Variants in FNDC3B observed in about 807,000 individuals in gnomAD.
The protein encoded by FNDC3B is fibronectin type III domain containing 3B.
In FNDC3B, 12 loss-of-function variants were observed where a neutral mutation model predicts 151.5. The observed-to-expected ratio is 0.08, with a 90% CI of 0.05 to 0.13. The LOEUF (loss-of-function observed/expected upper bound fraction) is 0.13, where lower values mean the gene tolerates loss of function less well. Among genes scored for constraint, FNDC3B ranks in the 10% least tolerant of loss-of-function variants. The pLI, the probability that FNDC3B is intolerant of heterozygous loss-of-function variation, is 1.00. For synonymous variants in FNDC3B, 528 were observed against 549.0 expected (o/e 0.96, Z 0.54); for missense variants, 1,214 against 1,505.3 (o/e 0.81, Z 3.20).
In FNDC3B at chr3:172,397,687, A is replaced by AG. The variant is rs937303091; in HGVS notation, c.*212_*213insG. The AG allele has an allele frequency of 5.7e-6, 2 of 348,210 alleles. No individual in the cohort carries two copies. Among genetic ancestry groups the AG allele is most frequent in the Admixed American group, 9.3e-5 (2 of 21,524 alleles). The allele number at this position is 348,210 out of a possible 1,614,324, so 21.6% of individuals were successfully genotyped here. ...TGGATTTTTTTTTTTAAAAAAAAGAAAAAAAAAGAAGAAAAGTATACCAGA... is the reference window on the plus strand; with the variant it reads ...TGGATTTTTTTTTTTAAAAAAAAGAAGAAAAAAAGAAGAAAAGTATACCAGA... On this transcript the variant is annotated 3_prime_UTR_variant, in exon 26 of 26. Coordinates refer to ENST00000415807, the MANE Select transcript of FNDC3B (RefSeq NM_022763.4).
chr3:172,398,297 T>C lies in FNDC3B; in HGVS notation c.*822T>C, dbSNP rs1314875451. 3 of 152,678 alleles carry C rather than the reference T, an allele frequency of 2.0e-5. No homozygotes were observed. The highest frequency in any genetic ancestry group is 7.2e-5 in the African/African-American group (3 of 41,468). The allele number at this position is 152,678 out of a possible 1,614,324, so 9.5% of individuals were successfully genotyped here. ...TTGTATATAACTACTTCTAATCTAATCACTAGAGTTATTATATTCTGTTAT... is the reference window on the plus strand; with the variant it reads ...TTGTATATAACTACTTCTAATCTAACCACTAGAGTTATTATATTCTGTTAT... On this transcript the variant is annotated 3_prime_UTR_variant, in exon 26 of 26. Transcript: ENST00000415807.
intron 4 of FNDC3B, among the ~76,000 whole-genome samples, chr3:172,230,860 A>C (rs981807579): frequency 1.2e-4 from 18 of 152,240 alleles, no homozygotes; most frequent in African/African-American, 4.1e-4. Flanking sequence ...TGTATGTGTT[A>C]ATGTAAAATA....
At chr3:172,371,960 A>G (rs1256767259) in intron 23 of FNDC3B, among the ~76,000 whole-genome samples, 1 of 152,228 alleles carries the variant, frequency 6.6e-6, no homozygotes, top group African/African-American at 2.4e-5. Flanking sequence ...AGTAGTATTT[A>G]TGGAACATTT....
intron 13 of FNDC3B, among the ~76,000 whole-genome samples, chr3:172,332,596 G>A (rs755182080): frequency 1.3e-5 from 2 of 152,126 alleles, no homozygotes. Context: ...GATAGAGATA[G>A]AACTATTGAA....
intron 6 of FNDC3B, among the ~76,000 whole-genome samples, chr3:172,258,251 G>A (rs926210611): frequency 2.6e-5 from 4 of 152,098 alleles, no homozygotes; most frequent in African/African-American, 9.7e-5. Context: ...CACATTCCAC[G>A]ACATAGACTC....
chr3:172,318,302 A>G (rs942433165), intron 11 of FNDC3B, among the ~76,000 whole-genome samples: 1 of 152,252 alleles, frequency 6.6e-6, no homozygotes, highest in South Asian at 2.1e-4. Flanking sequence ...AGGCAGGCCC[A>G]GCAGTCCTGT....
At chr3:172,102,149 C>A (rs1479885459) in intron 1 of FNDC3B, among the ~76,000 whole-genome samples, 1 of 152,142 alleles carries the variant, frequency 6.6e-6, no homozygotes, top group Non-Finnish European at 1.5e-5. Context: ...ACAATTAGCT[C>A]GCTAAGAGCA....
chr3:172,260,960 G>A (rs1433676211), intron 6 of FNDC3B, among the ~76,000 whole-genome samples: 1 of 152,132 alleles, frequency 6.6e-6, no homozygotes, highest in Admixed American at 6.5e-5. Flanking sequence ...GACATTAGCT[G>A]GAGGCGATGG....
chr3:172,244,414 G>A (rs62281807), intron 4 of FNDC3B, among the ~76,000 whole-genome samples: 22,587 of 151,764 alleles, frequency 0.15, 1,827 homozygotes, highest in African/African-American at 0.21. Flanking sequence ...TACTGCCACC[G>A]TTTCCTTAGT....
intron 6 of FNDC3B, among the ~76,000 whole-genome samples, chr3:172,261,958 T>C (rs1213277975): frequency 1.3e-5 from 2 of 152,056 alleles, no homozygotes; most frequent in African/African-American, 4.8e-5. Flanking sequence ...GACCAGGTCA[T>C]GGTGGGGATG....
At chr3:172,125,715 T>G (rs538928927) in intron 2 of FNDC3B, among the ~76,000 whole-genome samples, 1 of 152,324 alleles carries the variant, frequency 6.6e-6, no homozygotes, top group South Asian at 2.1e-4. Flanking sequence ...ACAAAGTGTA[T>G]CCTTCAAAAG....
rs368796042 is a variant in FNDC3B at position 172,269,120 on chromosome 3, G to A, written c.791-16806G>A. Among the ~76,000 whole-genome samples the A allele has an allele frequency of 6.6e-4, 100 of 152,240 alleles. No homozygotes were observed. In the South Asian group the frequency reaches 0.02, roughly 30 times the overall value. ...TTTGGTATTACTTGCTGTCTAGAACGTTACAGTCTCCACTATAGTATGTTC... is the reference window on the plus strand; with the variant it reads ...TTTGGTATTACTTGCTGTCTAGAACATTACAGTCTCCACTATAGTATGTTC... On this transcript the variant is annotated intron_variant, in intron 6 of 25. Coordinates refer to ENST00000415807, the MANE Select transcript of FNDC3B (RefSeq NM_022763.4).
chr3:172,344,126 C>T lies in FNDC3B; in HGVS notation c.2118C>T (p.Tyr706=), dbSNP rs771915501. ...ASESGCEVSE[Y]SVEMTEPEDV... is the part of the protein sequence containing the mutation. ...AAAGTGGCTGTGAGGTCTCAGAGTA[C>T]AGCGTGGAGATGACGGAGCCCGAAG... Residue 706 remains tyrosine (Y), a synonymous_variant, in exon 19 of 26, where the codon TAC becomes TAT. Transcript: ENST00000415807. 6 of 1,613,938 alleles carry T rather than the reference C, an allele frequency of 3.7e-6. No homozygotes were observed. The highest frequency in any genetic ancestry group is 3.3e-5 in the Admixed American group (2 of 59,982).
chr3:172,322,776 A>C (rs1437212246), intron 11 of FNDC3B, among the ~76,000 whole-genome samples: 2 of 152,190 alleles, frequency 1.3e-5, no homozygotes, highest in Admixed American at 1.3e-4. Context: ...CAGTGACAGG[A>C]TGGACCTCAT....
intron 9 of FNDC3B, 185 bp from the exon 10 acceptor site, chr3:172,307,178 G>A (rs979858222): frequency 1.7e-6 from 1 of 593,312 alleles, no homozygotes; most frequent in South Asian, 2.1e-5. Context: ...TACCTGTTGG[G>A]ATGACTGTCC....
chr3:172,062,448 A>T (rs565925991), intron 1 of FNDC3B, among the ~76,000 whole-genome samples: 12 of 151,718 alleles, frequency 7.9e-5, no homozygotes, highest in Non-Finnish European at 1.8e-4. Flanking sequence ...AGTAGCTGGG[A>T]TGACAGATGT....
intron 3 of FNDC3B, among the ~76,000 whole-genome samples, chr3:172,194,452 A>C (rs1299601669): frequency 6.6e-6 from 1 of 152,172 alleles, no homozygotes; most frequent in Non-Finnish European, 1.5e-5. Flanking sequence ...ATGGATTTTA[A>C]AATCCTTCGT....
At chr3:172,120,719 A>G (rs1720498002) in intron 2 of FNDC3B, among the ~76,000 whole-genome samples, 1 of 152,150 alleles carries the variant, frequency 6.6e-6, no homozygotes, top group Non-Finnish European at 1.5e-5. Flanking sequence ...TACGCCTGTA[A>G]TCCCAGCACT....
chr3:172,360,785 C>T (rs1229687704), intron 22 of FNDC3B, among the ~76,000 whole-genome samples: 1 of 152,156 alleles, frequency 6.6e-6, no homozygotes, highest in Non-Finnish European at 1.5e-5. Context: ...TTGTATTGAT[C>T]TAGGTGTTCT....
Sources: gnomAD v4.1 joint callset for allele counts (sites outside exome capture counted in the v4.1 genomes callset) on GRCh38, gnomAD v4.1.1 for gene constraint, MANE v1.5 for transcripts, NCBI Gene and HGNC (gene_info 2026-07-23, HGNC 2026-07-21) for gene names.